The following ADD3 variants were observed in gnomAD, a reference collection of about 807,000 sequenced individuals.
ADD3 encodes the protein adducin 3.
A neutral mutation model predicts 80.2 loss-of-function variants in ADD3; 25 were observed. That is an observed-to-expected ratio of 0.31 (90% CI 0.23 to 0.44). ADD3 has a LOEUF of 0.44. Among genes scored for constraint, ADD3 ranks in the 20% least tolerant of loss-of-function variants. The pLI, the probability that ADD3 is intolerant of heterozygous loss-of-function variation, is 1.00. For synonymous variants in ADD3, 284 were observed against 289.6 expected (o/e 0.98, Z 0.20); for missense variants, 829 against 847.5 (o/e 0.98, Z 0.27).
rs75268788 is a variant in ADD3, at chr10:110,128,138, G to A, written c.1608+1635G>A. ...ATGATTGTGTGCTGATCTCTTTTTA[G>A]TCTTTTTTCTAAGTAATTAGTAACC... On this transcript the variant is annotated intron_variant, in intron 12 of 14. Coordinates refer to ENST00000356080, the MANE Select transcript of ADD3 (RefSeq NM_016824.5). Among the ~76,000 whole-genome samples the A allele has an allele frequency of 7.3e-3, 976 of 133,990 alleles. 4 individuals carry two copies. Among genetic ancestry groups the A allele is most frequent in the Admixed American group, 0.013 (159 of 12,578 alleles). 87.9% of individuals were successfully genotyped at this position (133,990 alleles called of 152,430 possible). A position where few individuals can be genotyped will look rare whatever the true frequency, so the allele number is the denominator to read the frequency against.
chr10:110,009,723 T>A (rs900624468), intron 1 of ADD3, among the ~76,000 whole-genome samples: 13 of 152,220 alleles, frequency 8.5e-5, no homozygotes, highest in African/African-American at 2.9e-4. Context: ...TCTTCATCTT[T>A]CTGAAGAGTT....
chr10:110,018,039 A>G (rs779308066), intron 1 of ADD3, among the ~76,000 whole-genome samples: 1 of 152,188 alleles, frequency 6.6e-6, no homozygotes, highest in Non-Finnish European at 1.5e-5. Context: ...TTATACTTTA[A>G]TATGTGTCTT....
At chr10:110,097,637 C>T (rs532922973) in intron 1 of ADD3, among the ~76,000 whole-genome samples, 1 of 152,248 alleles carries the variant, frequency 6.6e-6, no homozygotes, top group African/African-American at 2.4e-5. Context: ...ATTTAAATTT[C>T]ACCAATTGTC....
At chr10:110,102,763 A>G (rs557687873) in intron 2 of ADD3, among the ~76,000 whole-genome samples, 2 of 152,370 alleles carry the variant, frequency 1.3e-5, no homozygotes, top group South Asian at 4.1e-4. Context: ...TTCTAACTGT[A>G]GAGTCTAAAT....
intron 1 of ADD3, among the ~76,000 whole-genome samples, chr10:110,031,004 G>A (rs1033467114): frequency 1.3e-5 from 2 of 151,856 alleles, no homozygotes; most frequent in African/African-American, 4.8e-5. Flanking sequence ...GTCCAGGCAC[G>A]GTGGCTCACG....
intron 1 of ADD3, among the ~76,000 whole-genome samples, chr10:110,073,461 A>AGG: frequency 6.6e-6 from 1 of 152,106 alleles, no homozygotes; most frequent in Middle Eastern, 3.2e-3. Context: ...TTATCTGTAA[A>AGG]GGAGGCATCA....
intron 1 of ADD3, among the ~76,000 whole-genome samples, chr10:110,073,896 G>A (rs745629034): frequency 1.3e-5 from 2 of 151,700 alleles, no homozygotes; most frequent in African/African-American, 2.4e-5. Context: ...AATTTAACCT[G>A]ATTTAAACAG....
intron 1 of ADD3, among the ~76,000 whole-genome samples, chr10:110,095,990 C>T (rs10400168): frequency 1.3e-5 from 2 of 151,964 alleles, no homozygotes; most frequent in African/African-American, 2.4e-5. Context: ...GGGCAGCATG[C>T]GGAGTACTTC....
upstream of ADD3, chr10:110,005,963 G>T: frequency 4.4e-6 from 1 of 225,574 alleles, no homozygotes; most frequent in Non-Finnish European, 9.0e-6. Flanking sequence ...TTACTACTCA[G>T]CATTGAGAGA....
At chr10:110,053,357 A>T (rs1490903930) in intron 1 of ADD3, among the ~76,000 whole-genome samples, 1 of 151,986 alleles carries the variant, frequency 6.6e-6, no homozygotes, top group African/African-American at 2.4e-5. Context: ...TTCATTGAAC[A>T]TTTCTCAATG....
intron 1 of ADD3, among the ~76,000 whole-genome samples, chr10:110,045,689 A>G (rs1209013813): frequency 1.3e-5 from 2 of 152,238 alleles, no homozygotes; most frequent in Non-Finnish European, 2.9e-5. Context: ...TAAAATATAC[A>G]CATATCTATT....
chr10:110,047,100 A>G (rs1349372264), intron 1 of ADD3, among the ~76,000 whole-genome samples: 1 of 152,192 alleles, frequency 6.6e-6, no homozygotes, highest in African/African-American at 2.4e-5. Flanking sequence ...ATGCTATTCT[A>G]ATGTGCCCTG....
intron 8 of ADD3, among the ~76,000 whole-genome samples, chr10:110,120,320 C>T (rs1430277321): frequency 7.0e-6 from 1 of 142,854 alleles, no homozygotes; most frequent in East Asian, 2.1e-4. Flanking sequence ...TGAGAATATG[C>T]GGTGTTTGGT....
At chr10:110,063,758 T>C (rs1377544042) in intron 1 of ADD3, among the ~76,000 whole-genome samples, 1 of 68,118 alleles carries the variant, frequency 1.5e-5, no homozygotes, top group African/African-American at 4.0e-5. Flanking sequence ...TATATATATA[T>C]ATATATATAT....
intron 10 of ADD3, among the ~76,000 whole-genome samples, chr10:110,124,794 G>A (rs1030465285): frequency 6.6e-6 from 1 of 152,148 alleles, no homozygotes; most frequent in African/African-American, 2.4e-5. Flanking sequence ...ATTAGATTTG[G>A]TTTGGTTTGG....
chr10:110,032,814 T>C (rs911712993), intron 1 of ADD3, among the ~76,000 whole-genome samples: 23 of 152,368 alleles, frequency 1.5e-4, no homozygotes, highest in African/African-American at 4.6e-4. Flanking sequence ...CATGTTGTTA[T>C]TGTTTTTATA....
At chr10:110,075,118 T>C (rs1213203560) in intron 1 of ADD3, among the ~76,000 whole-genome samples, 2 of 152,212 alleles carry the variant, frequency 1.3e-5, no homozygotes, top group Non-Finnish European at 2.9e-5. Flanking sequence ...GGCAAGTAGC[T>C]GTGTAGTCCA....
intron 1 of ADD3, among the ~76,000 whole-genome samples, chr10:110,042,635 C>G (rs1480872639): frequency 6.7e-6 from 1 of 150,288 alleles, no homozygotes; most frequent in Non-Finnish European, 1.5e-5. Context: ...AATTAGCACA[C>G]TAATAAAATA....
At chr10:110,044,069 GAC>G (rs1323429968) in intron 1 of ADD3, among the ~76,000 whole-genome samples, 1 of 152,168 alleles carries the variant, frequency 6.6e-6, no homozygotes, top group African/African-American at 2.4e-5. Flanking sequence ...CAGGCATGGT[GAC>G]ACACGCCTGT....
Sources: gnomAD v4.1 joint callset for allele counts (sites outside exome capture counted in the v4.1 genomes callset) on GRCh38, gnomAD v4.1.1 for gene constraint, MANE v1.5 for transcripts, NCBI Gene and HGNC (gene_info 2026-07-23, HGNC 2026-07-21) for gene names.